DHX38: variants seen among roughly 807,000 people sequenced by gnomAD.
DHX38 encodes the protein pre-mRNA-splicing factor ATP-dependent RNA helicase PRP16.
DHX38 carries 100 observed loss-of-function variants against 153.1 expected under a neutral mutation model. The observed-to-expected ratio is 0.65, with a 90% CI of 0.56 to 0.77. The LOEUF is 0.77. Ranked by LOEUF, DHX38 falls within the 30% of genes least tolerant of loss-of-function variation. The probability of loss-of-function intolerance (pLI) is 0.00; values close to 1 mark genes in which losing one functional copy is unlikely to be tolerated. For missense variants in DHX38, 1,440 were observed against 1,654.0 expected (o/e 0.87, Z 2.24); for synonymous variants, 650 against 631.7 (o/e 1.03, Z -0.43).
rs1050362 is a variant in DHX38, at chr16:72,096,916, C to T, written c.418C>T (p.Arg140Trp). The T allele has an allele frequency of 1.2e-5, 19 of 1,613,660 alleles. No individual in the cohort carries two copies. In the East Asian group the frequency reaches 1.6e-4, roughly 13 times the overall value. The change falls in exon 3 of 27, where the codon CGG (arginine) becomes TGG (tryptophan). Residue 140 changes from arginine to tryptophan, a missense_variant. Physicochemically the swap from Arg to Trp is moderately radical, Grantham distance 101. Around this residue, in one of 6 missense-constraint regions of DHX38, gnomAD observed 483 missense variants for 465.1 expected, o/e 1.04. Coordinates refer to ENST00000268482, the MANE Select transcript of DHX38 (RefSeq NM_014003.4). ...ERSRQRERER[R>W]EHGVYASSKE... ...CAGTCGGCAGAGAGAGCGGGAGCGG[C>T]GGGAACATGGTGTCTATGCCTCGTC...
At position 72,110,464 on chromosome 16, in the gene DHX38, G is replaced by T. The variant is rs531529295; in HGVS notation, c.3478-492G>T. Among the ~76,000 whole-genome samples the T allele has an allele frequency of 4.0e-4, 61 of 152,316 alleles. 2 individuals are homozygous for T. The highest frequency in any genetic ancestry group is 2.0e-4 in the Admixed American group (3 of 15,302). On this transcript the variant is annotated intron_variant, in intron 25 of 26. Coordinates refer to ENST00000268482, the MANE Select transcript of DHX38 (RefSeq NM_014003.4). ...AGTGGTGGCAGCCTGCCTCTTCCCT[G>T]ATAGGTTTCCACTGCTCCTCCATCT...
Position 72,105,324 on chromosome 16 carries a change from C to T in DHX38, c.2355C>T (p.Asp785=), listed in dbSNP as rs747088367. 3 of 1,614,186 alleles carry T rather than the reference C, an allele frequency of 1.9e-6. No individual in the cohort carries two copies. The highest frequency in any genetic ancestry group is 2.5e-6 in the Non-Finnish European group (3 of 1,180,034). The change falls in exon 17 of 27, where the codon GAC becomes GAT. Residue 785 remains aspartate, a synonymous_variant. Transcript: ENST00000268482. Reference sequence around the variant, plus strand: ...CCATCTACTCTCAGCTGCCTTCTGACCTCCAGGCCAAAATCTTCCAGAAGG... The same window carrying T: ...CCATCTACTCTCAGCTGCCTTCTGATCTCCAGGCCAAAATCTTCCAGAAGG... The part of the protein sequence containing the change: ...VLPIYSQLPS[D]LQAKIFQKAP...
chr16:72,103,292 T>G, intron 12 of DHX38, 81 bp downstream of exon 12: 1 of 1,539,834 alleles, frequency 6.5e-7, no homozygotes, highest in Non-Finnish European at 8.7e-7. Flanking sequence ...GAGCTCTTTT[T>G]CTTTTGTGCA....
intron 9 of DHX38, among the ~76,000 whole-genome samples, 170 bp from the exon 10 acceptor site, chr16:72,100,916 G>A (rs2042090781): frequency 6.6e-6 from 1 of 152,152 alleles, no homozygotes; most frequent in Non-Finnish European, 1.5e-5. Flanking sequence ...GACAGAGCAA[G>A]ACTCTGTCTC....
chr16:72,104,179 T>G lies in DHX38; in HGVS notation c.2010+48T>G, dbSNP rs375239948. 5.7e-5 allele frequency: 91 copies of G among 1,591,242 alleles called. No individual in the cohort carries two copies. In the African/African-American group the frequency reaches 9.4e-4, roughly 16 times the overall value. On this transcript the variant is annotated intron_variant, in intron 14 of 26. Coordinates refer to ENST00000268482, the MANE Select transcript of DHX38 (RefSeq NM_014003.4). This position sits in a 1 kb window ranked among gnomAD's most constrained non-coding sequence, Gnocchi z 4.5. The stretch of plus-strand genomic sequence containing the variant: ...TCTCTGCGCATGGGGTGTTGACCAG[T>G]GCACCACCAGTAGCTAGTGGGTTGC...
intron 26 of DHX38, among the ~76,000 whole-genome samples, chr16:72,111,361 C>T (rs2042253690): frequency 6.6e-6 from 1 of 152,174 alleles, no homozygotes; most frequent in Non-Finnish European, 1.5e-5. Context: ...GTTGGAAACC[C>T]CAGTGCAGTG....
chr16:72,094,112 G>A (rs1232914840), intron 1 of DHX38, 61 bp downstream of exon 1: 2 of 152,532 alleles, frequency 1.3e-5, no homozygotes, highest in Non-Finnish European at 2.9e-5. Flanking sequence ...TCTAGGCGGC[G>A]GATATTGGTC....
At chr16:72,097,501 C>A in intron 3 of DHX38, 176 bp from the exon 4 acceptor site, 1 of 567,804 alleles carries the variant, frequency 1.8e-6, no homozygotes, top group Non-Finnish European at 3.1e-6. Context: ...TAGGCAGTAA[C>A]TATTTTTCCC....
At chr16:72,109,722 A>C in intron 25 of DHX38, 1 of 425,170 alleles carries the variant, frequency 2.4e-6, no homozygotes, top group Non-Finnish European at 4.1e-6. Context: ...CAAAAAACTC[A>C]TTATTGAAAA....
intron 8 of DHX38, among the ~76,000 whole-genome samples, chr16:72,100,101 G>C (rs1472463109): frequency 2.0e-5 from 3 of 152,294 alleles, no homozygotes; most frequent in Non-Finnish European, 4.4e-5. Context: ...GTACTTCCTT[G>C]AGGGGAAGTA....
At position 72,098,945 on chromosome 16, in the gene DHX38, C is replaced by T; in HGVS notation, c.783C>T (p.Tyr261=). Reference sequence around the variant, plus strand: ...TTCCCAGGTCTGTGAGGGGCAAGTACTCGGATGACACGCCTCTGCCAACTC... The same window carrying T: ...TTCCCAGGTCTGTGAGGGGCAAGTATTCGGATGACACGCCTCTGCCAACTC... The part of the protein sequence containing the change: ...RDRDRSVRGK[Y]SDDTPLPTPS... Residue 261 remains tyrosine (Y), a synonymous_variant, in exon 6 of 27, where the codon TAC becomes TAT. Coordinates refer to ENST00000268482, the MANE Select transcript of DHX38 (RefSeq NM_014003.4). The T allele has an allele frequency of 6.2e-7, 1 of 1,614,180 alleles. No individual in the cohort carries two copies. Among genetic ancestry groups the T allele is most frequent in the Non-Finnish European group, 8.5e-7 (1 of 1,180,038 alleles).
chr16:72,099,310 C>G, intron 7 of DHX38, 30 bp downstream of exon 7: 2 of 1,568,830 alleles, frequency 1.3e-6, no homozygotes, highest in Admixed American at 3.6e-5. Context: ...AGGGGCTGAT[C>G]GGGGCTGGTG....
chr16:72,096,123 T>G lies in DHX38; in HGVS notation c.-19-16T>G. 6.4e-7 allele frequency: 1 copy of G among 1,570,474 alleles called. No homozygotes were observed. Among genetic ancestry groups the G allele is most frequent in the Non-Finnish European group, 8.7e-7 (1 of 1,153,842 alleles). On this transcript the variant is annotated splice_polypyrimidine_tract_variant and intron_variant, in intron 1 of 26. Transcript: ENST00000268482. ...CTGAGCCTTCTCTAGTACCAAATGG[T>G]TTGCCTTCCTTCCAGAGAAATCCCA...
chr16:72,097,776 C>T lies in DHX38; in HGVS notation c.611C>T (p.Pro204Leu), dbSNP rs1224928062. 1 of 1,613,060 alleles carries T rather than the reference C, an allele frequency of 6.2e-7. No homozygotes were observed. Among genetic ancestry groups the T allele is most frequent in the Non-Finnish European group, 8.5e-7 (1 of 1,179,526 alleles). ...RNEPESPRHR[P>L]KDAATPSRST... ...GAACCCGAGAGCCCACGACATCGAC[C>T]TAAAGGTAGACTCACTGTTTTGGTG... The change falls in exon 4 of 27, where the codon CCT (proline) becomes CTT (leucine). Residue 204 changes from proline (P) to leucine (L), a missense_variant. Physicochemically the swap from Pro to Leu is moderately conservative, Grantham distance 98. This residue lies in a region of DHX38 where 483 missense variants were observed against 465.1 expected (regional missense o/e 1.04). Coordinates refer to ENST00000268482, the MANE Select transcript of DHX38 (RefSeq NM_014003.4).
rs747414238 is a variant in DHX38, at chr16:72,104,515, C to T, written c.2040C>T (p.Leu680=). Residue 680 remains leucine (L), a synonymous_variant, in exon 15 of 27, where the codon CTC becomes CTT. Coordinates refer to ENST00000268482, the MANE Select transcript of DHX38 (RefSeq NM_014003.4). The surrounding 1 kb of genome is among the most constrained non-coding windows in gnomAD (Gnocchi z 4.5). ...TGGCTCGGCGCTCAGACCTGAAGCT[C>T]ATCGTCACATCAGCCACGATGGATG... is the stretch of plus-strand genomic sequence containing the variant. ...EVVARRSDLK[L]IVTSATMDAE... is the part of the protein sequence containing the mutation. 7.4e-6 allele frequency: 12 copies of T among 1,613,960 alleles called. No homozygotes were observed. Among genetic ancestry groups the T allele is most frequent in the South Asian group, 1.1e-5 (1 of 91,086 alleles).
chr16:72,105,495 CT>C, intron 17 of DHX38, 21 bp from the exon 18 acceptor site: 3 of 1,613,796 alleles, frequency 1.9e-6, no homozygotes, highest in Non-Finnish European at 2.5e-6. Flanking sequence ...TCATTTTTCC[CT>C]TCCTGTATGT....
rs1263743893 is a variant in DHX38 at position 72,097,782 on chromosome 16, G to T, written c.616+1G>T. ...GAGAGCCCACGACATCGACCTAAAG[G>T]TAGACTCACTGTTTTGGTGGCTTGT... On this transcript the variant is annotated splice_donor_variant, in intron 4 of 26. Transcript: ENST00000268482. LOFTEE classifies it high-confidence loss of function. 7.4e-6 allele frequency: 12 copies of T among 1,612,718 alleles called. No individual in the cohort carries two copies. Among genetic ancestry groups the T allele is most frequent in the Non-Finnish European group, 1.0e-5 (12 of 1,179,234 alleles).
Position 72,098,742 on chromosome 16 carries a change from C to T in DHX38, c.714C>T (p.Ser238=), listed in dbSNP as rs756559924. ...GGGAATCGCCCTCCCCGACGCCTTC[C>T]TATCGGGATTCTGAGCGGAGCCATC... The part of the protein sequence containing the change: ...SQWESPSPTP[S]YRDSERSHRL... The change falls in exon 5 of 27, where the codon TCC becomes TCT. Residue 238 remains serine, a synonymous_variant. Coordinates refer to ENST00000268482, the MANE Select transcript of DHX38 (RefSeq NM_014003.4). 3 of 1,614,214 alleles carry T rather than the reference C, an allele frequency of 1.9e-6. No individual in the cohort carries two copies. The highest frequency in any genetic ancestry group is 1.7e-6 in the Non-Finnish European group (2 of 1,180,038).
At position 72,097,559 on chromosome 16, in the gene DHX38, T is replaced by C. The variant is rs148657156; in HGVS notation, c.512-118T>C. 7 of 902,330 alleles carry C rather than the reference T, an allele frequency of 7.8e-6. No homozygotes were observed. In the African/African-American group the frequency reaches 8.3e-5, roughly 11 times the overall value. The allele number at this position is 902,330 out of a possible 1,614,324, so 55.9% of individuals were successfully genotyped here. A position where few individuals can be genotyped will look rare whatever the true frequency, so the allele number is the denominator to read the frequency against. On this transcript the variant is annotated intron_variant, in intron 3 of 26. Transcript: ENST00000268482. The stretch of plus-strand genomic sequence containing the variant: ...GAGTTTCAGGAGTCCACGGATCACA[T>C]TCGAGCAGTGCAGGTTGCACCTGTG...
Sources: gnomAD v4.1 joint callset for allele counts (sites outside exome capture counted in the v4.1 genomes callset) on GRCh38, gnomAD v4.1.1 for gene constraint, gnomAD v4.1.1 regional missense constraint, Gnocchi (gnomAD v3.1) non-coding constraint, MANE v1.5 for transcripts, NCBI Gene and HGNC (gene_info 2026-07-23, HGNC 2026-07-21) for gene names.